Variants in SLC8A1 observed in about 807,000 individuals in gnomAD.
SLC8A1 encodes sodium/calcium exchanger 1.
In SLC8A1, 18 loss-of-function variants were observed where a neutral mutation model predicts 68.3. That is an observed-to-expected ratio of 0.26 (90% CI 0.18 to 0.39). The LOEUF (loss-of-function observed/expected upper bound fraction) is 0.39, where lower values mean the gene tolerates loss of function less well. SLC8A1 is among the 10% of genes least tolerant of loss of function. The pLI, the probability that SLC8A1 is intolerant of heterozygous loss-of-function variation, is 1.00. For missense variants in SLC8A1, 985 were observed against 1,156.7 expected, an observed-to-expected ratio of 0.85 and a Z score of 2.15; for synonymous variants, 475 against 415.5, an observed-to-expected ratio of 1.14 and a Z score of -1.74.
exon 8 of SLC8A1, chr2:40,098,264 A>G (rs2033692023): frequency 6.6e-6 from 1 of 152,060 alleles, no homozygotes; most frequent in African/African-American, 2.4e-5. Context: ...TTTACAACAG[A>G]TTACTTTTAA....
intron 2 of SLC8A1, among the ~76,000 whole-genome samples, chr2:40,409,234 G>T (rs1407503935): frequency 1.3e-5 from 2 of 151,984 alleles, no homozygotes; most frequent in Non-Finnish European, 2.9e-5. Flanking sequence ...AAATACCCCT[G>T]TAAGTTCCCA....
chr2:40,183,716 C>T (rs2050077715), intron 2 of SLC8A1, among the ~76,000 whole-genome samples: 1 of 152,102 alleles, frequency 6.6e-6, no homozygotes. Flanking sequence ...GATGATAAAC[C>T]AATAGGCTGG....
intron 2 of SLC8A1, among the ~76,000 whole-genome samples, chr2:40,277,792 G>GTATATATATATATATA: frequency 1.1e-5 from 1 of 92,180 alleles, no homozygotes; most frequent in African/African-American, 4.8e-5. Flanking sequence ...ATATATATGT[G>GTATATATATATATATA]TGTATATATA....
intron 6 of SLC8A1, among the ~76,000 whole-genome samples, chr2:40,152,001 G>T (rs1247291202): frequency 6.6e-6 from 1 of 152,158 alleles, no homozygotes; most frequent in Admixed American, 6.5e-5. Flanking sequence ...AATGGCTATT[G>T]AATTCACTTA....
At chr2:40,155,572 C>G (rs374153) in intron 6 of SLC8A1, among the ~76,000 whole-genome samples, 1 of 152,062 alleles carries the variant, frequency 6.6e-6, no homozygotes, top group Non-Finnish European at 1.5e-5. Flanking sequence ...CCAGATTTCA[C>G]GGCAATCCCT....
At chr2:40,338,799 T>C (rs1666815464) in intron 2 of SLC8A1, among the ~76,000 whole-genome samples, 1 of 152,224 alleles carries the variant, frequency 6.6e-6, no homozygotes, top group African/African-American at 2.4e-5. Context: ...ATCATATGTA[T>C]TACAGGAATT....
chr2:40,384,925 G>A (rs1025321509), intron 2 of SLC8A1, among the ~76,000 whole-genome samples: 1 of 151,920 alleles, frequency 6.6e-6, no homozygotes, highest in African/African-American at 2.4e-5. Flanking sequence ...AATTTCACAA[G>A]GATTGCATAA....
intron 2 of SLC8A1, among the ~76,000 whole-genome samples, chr2:40,279,082 T>C (rs2067159695): frequency 6.6e-6 from 1 of 152,192 alleles, no homozygotes; most frequent in Non-Finnish European, 1.5e-5. Flanking sequence ...CAAAACTGTT[T>C]TCCCATTGAT....
intron 2 of SLC8A1, among the ~76,000 whole-genome samples, chr2:40,268,431 T>C (rs1346738197): frequency 6.6e-6 from 1 of 152,184 alleles, no homozygotes; most frequent in Non-Finnish European, 1.5e-5. Context: ...TGGATAATAC[T>C]AGGAGCCAGA....
At chr2:40,238,460 G>C (rs1046486592) in intron 2 of SLC8A1, among the ~76,000 whole-genome samples, 1 of 151,648 alleles carries the variant, frequency 6.6e-6, no homozygotes. Context: ...GCCCTGCTTC[G>C]GCTCGCACAC....
At chr2:40,229,697 C>T (rs1428247209) in intron 2 of SLC8A1, among the ~76,000 whole-genome samples, 2 of 151,994 alleles carry the variant, frequency 1.3e-5, no homozygotes, top group Non-Finnish European at 2.9e-5. Context: ...CAAACATAAC[C>T]TAACAACTAT....
At position 40,309,687 on chromosome 2, in the gene SLC8A1, G is replaced by A. The variant is rs547713712; in HGVS notation, c.1808+118786C>T. ...TGCCCAGCTAATTTTTGTATTTTCA[G>A]TAGAGACAGGGTTTCACTATGTTGG... On this transcript the variant is annotated intron_variant, in intron 2 of 7. Coordinates refer to ENST00000406785, the Ensembl canonical transcript of SLC8A1. Among the ~76,000 whole-genome samples, 24 of 151,968 alleles carry A rather than the reference G, an allele frequency of 1.6e-4. No homozygotes were observed. The South Asian group carries it at 4.8e-3, about 30-fold the overall frequency.
chr2:40,204,711 A>G (rs1250091527), intron 2 of SLC8A1, among the ~76,000 whole-genome samples: 1 of 152,052 alleles, frequency 6.6e-6, no homozygotes, highest in Non-Finnish European at 1.5e-5. Context: ...ATGCAAAAAG[A>G]TAAAGGTGAA....
intron 2 of SLC8A1, among the ~76,000 whole-genome samples, chr2:40,329,283 A>C (rs148783145): frequency 1.5e-4 from 23 of 152,294 alleles, no homozygotes; most frequent in African/African-American, 5.1e-4. Flanking sequence ...CTGTCTCCAC[A>C]ATCTGAAGTA....
chr2:40,429,165 C>T, exon 2 of SLC8A1: 4 of 1,613,498 alleles, frequency 2.5e-6, no homozygotes, highest in Non-Finnish European at 3.4e-6. Context: ...CAGCTCCAGT[C>T]ATGAGGCGAG....
chr2:40,364,421 C>G (rs192461486), intron 2 of SLC8A1, among the ~76,000 whole-genome samples: 2 of 147,772 alleles, frequency 1.4e-5, no homozygotes, highest in African/African-American at 5.1e-5. Flanking sequence ...AATGTAAGTA[C>G]AGTAAGCTGG....
chr2:40,504,314 G>C (rs1706233417), intron 1 of SLC8A1, among the ~76,000 whole-genome samples: 1 of 151,956 alleles, frequency 6.6e-6, no homozygotes, highest in African/African-American at 2.4e-5. Context: ...AAATAAAAAT[G>C]GATTAGAGAC....
At chr2:40,111,524 A>G (rs1489775183) in exon 8 of SLC8A1, 1 of 152,206 alleles carries the variant, frequency 6.6e-6, no homozygotes, top group East Asian at 1.9e-4. Context: ...AGTAGCATTT[A>G]CTTGTACATG....
chr2:40,314,039 AATAG>A (rs2074105135), intron 2 of SLC8A1, among the ~76,000 whole-genome samples: 3 of 152,252 alleles, frequency 2.0e-5, no homozygotes, highest in African/African-American at 7.2e-5. Flanking sequence ...AATTTTTAAA[AATAG>A]ATAATGTTTT....
Sources: allele counts gnomAD v4.1 joint callset (sites outside exome capture counted in the v4.1 genomes callset), GRCh38; gene constraint gnomAD v4.1.1; transcripts MANE v1.5; gene names NCBI Gene and HGNC (gene_info 2026-07-23, HGNC 2026-07-21).